The following KIF2A variants were observed in gnomAD, a reference collection of about 807,000 sequenced individuals.
KIF2A encodes kinesin family member 2A.
KIF2A carries 22 observed loss-of-function variants against 100.2 expected under a neutral mutation model. The ratio of observed to expected loss-of-function variants is 0.22; its 90% CI spans 0.16 to 0.31. The LOEUF is 0.31. Ranked by LOEUF, KIF2A falls within the 10% of genes least tolerant of loss-of-function variation. The pLI is 1.00. For missense variants in KIF2A, 495 were observed against 898.7 expected (o/e 0.55, Z 5.74); for synonymous variants, 268 against 285.9 (o/e 0.94, Z 0.63).
At chr5:62,326,565 T>G (rs1746389331) in intron 1 of KIF2A, among the ~76,000 whole-genome samples, 1 of 152,216 alleles carries the variant, frequency 6.6e-6, no homozygotes, top group Admixed American at 6.5e-5. Context: ...CCTCCACTTG[T>G]ACTCTGGATC....
chr5:62,338,675 A>C (rs1280811308), intron 1 of KIF2A, among the ~76,000 whole-genome samples: 1 of 152,236 alleles, frequency 6.6e-6, no homozygotes, highest in East Asian at 1.9e-4. Context: ...AAAACAACAA[A>C]AAAAATCCAT....
At position 62,389,831 on chromosome 5, in the gene KIF2A, T is replaced by A. The variant is rs1174005827; in HGVS notation, c.*4262T>A. ...TAGATTCTAGTTAGTAAACTGCACA[T>A]GCCCAATAACTTTGAGGAAATTTAG... On this transcript the variant is annotated 3_prime_UTR_variant, in exon 21 of 21. Coordinates refer to ENST00000407818, the MANE Select transcript of KIF2A (RefSeq NM_001098511.3). Among the ~76,000 whole-genome samples, 1 of 152,180 alleles carries A rather than the reference T, an allele frequency of 6.6e-6. No homozygotes were observed. The highest frequency in any genetic ancestry group is 2.4e-5 in the African/African-American group (1 of 41,438).
intron 1 of KIF2A, among the ~76,000 whole-genome samples, chr5:62,318,373 G>A (rs758320486): frequency 2.6e-5 from 4 of 152,134 alleles, no homozygotes; most frequent in South Asian, 4.1e-4. Flanking sequence ...GAGCCACTGC[G>A]CCCGGCCATA....
At chr5:62,317,991 G>A (rs1170980739) in intron 1 of KIF2A, among the ~76,000 whole-genome samples, 1 of 152,096 alleles carries the variant, frequency 6.6e-6, no homozygotes. Flanking sequence ...CATATTAGAT[G>A]AGCAACAATA....
chr5:62,361,653 A>T lies in KIF2A; in HGVS notation c.1027+124A>T, dbSNP rs1332249471. The T allele has an allele frequency of 5.2e-6, 3 of 575,650 alleles. No homozygotes were observed. The South Asian group carries it at 7.7e-5, about 15-fold the overall frequency. 35.7% of individuals were successfully genotyped at this position (575,650 alleles called of 1,614,324 possible). ...GCTATATTAACTGTCTATTATGTCA[A>T]TTATAGGTTATTAGATTGCTTGAAA... On this transcript the variant is annotated intron_variant, in intron 11 of 20. Coordinates refer to ENST00000407818, the MANE Select transcript of KIF2A (RefSeq NM_001098511.3).
At chr5:62,306,575 C>G (rs370806112) in intron 1 of KIF2A, 39 bp downstream of exon 1, 784 of 1,517,520 alleles carry the variant, frequency 5.2e-4, no homozygotes, top group Non-Finnish European at 6.6e-4. Context: ...CGCTCGGCCC[C>G]GTGTTCGGGT....
chr5:62,322,864 G>T (rs1435187748), intron 1 of KIF2A, among the ~76,000 whole-genome samples: 1 of 134,474 alleles, frequency 7.4e-6, no homozygotes, highest in Non-Finnish European at 1.5e-5. Flanking sequence ...TGGTTTTTGG[G>T]TTTTTTTTTT....
At chr5:62,349,106 A>G (rs1480446980) in intron 3 of KIF2A, among the ~76,000 whole-genome samples, 1 of 152,118 alleles carries the variant, frequency 6.6e-6, no homozygotes, top group Non-Finnish European at 1.5e-5. Context: ...TTATACATGG[A>G]TTATTTTTTA....
At chr5:62,362,333 T>C in intron 11 of KIF2A, 117 bp from the exon 12 acceptor site, 1 of 410,514 alleles carries the variant, frequency 2.4e-6, no homozygotes, top group South Asian at 8.1e-5. Context: ...TCATTTTTAT[T>C]ATTGATACTG....
chr5:62,345,953 TA>T (rs1747544273), intron 1 of KIF2A, among the ~76,000 whole-genome samples: 1 of 152,100 alleles, frequency 6.6e-6, no homozygotes. Flanking sequence ...TATATATGTA[TA>T]TATTCTGTTG....
Position 62,355,515 on chromosome 5 carries a change from C to T in KIF2A, c.654+261C>T, listed in dbSNP as rs575480133. On this transcript the variant is annotated intron_variant, in intron 7 of 20. Transcript: ENST00000407818. ...CCCTGTCTTTGGGAGGGCAAAGCAACACTTAAAGGAGTGATAGCAGAAGAC... is the reference window on the plus strand; with the variant it reads ...CCCTGTCTTTGGGAGGGCAAAGCAATACTTAAAGGAGTGATAGCAGAAGAC... 2.6e-5 allele frequency among the ~76,000 whole-genome samples: 4 copies of T among 152,298 alleles called. No homozygotes were observed. The South Asian group carries it at 8.3e-4, about 32-fold the overall frequency.
At chr5:62,381,902 C>G (rs1741785890) in intron 20 of KIF2A, among the ~76,000 whole-genome samples, 1 of 152,230 alleles carries the variant, frequency 6.6e-6, no homozygotes, top group Non-Finnish European at 1.5e-5. Flanking sequence ...GTCAAGATGA[C>G]TATCCTCTGT....
Position 62,388,961 on chromosome 5 carries a change from C to G in KIF2A, c.*3392C>G. ...ATTATCTTCTCAAATACAAAAAATACAAAATTCATTTCTTTTCTTGACCTT... is the reference window on the plus strand; with the variant it reads ...ATTATCTTCTCAAATACAAAAAATAGAAAATTCATTTCTTTTCTTGACCTT... On this transcript the variant is annotated 3_prime_UTR_variant, in exon 21 of 21. Coordinates refer to ENST00000407818, the MANE Select transcript of KIF2A (RefSeq NM_001098511.3). The G allele has an allele frequency of 6.5e-7, 1 of 1,543,050 alleles. No homozygotes were observed. Among genetic ancestry groups the G allele is most frequent in the Non-Finnish European group, 8.9e-7 (1 of 1,125,316 alleles).
chr5:62,308,494 C>CTTT lies in KIF2A; in HGVS notation c.64+1959_64+1960insTTT, dbSNP rs1745415623. ...ACAGTAGCCAAGATAGGGAAGCAAC[C>CTTT]TAAATGTCCATCGATGGGTGAGGAA... On this transcript the variant is annotated intron_variant, in intron 1 of 20. Coordinates refer to ENST00000407818, the MANE Select transcript of KIF2A (RefSeq NM_001098511.3). 3 of 735,590 alleles carry CTTT rather than the reference C, an allele frequency of 4.1e-6. No individual in the cohort carries two copies. In the Admixed American group the frequency reaches 6.0e-5, roughly 15 times the overall value. The allele number at this position is 735,590 out of a possible 1,614,324, so 45.6% of individuals were successfully genotyped here.
rs114976218 is a variant in KIF2A, at chr5:62,361,693, A to G, written c.1027+164A>G. Among the ~76,000 whole-genome samples the G allele has an allele frequency of 6.9e-3, 1,023 of 148,236 alleles. 19 individuals are homozygous for G. The highest frequency in any genetic ancestry group is 0.025 in the African/African-American group (980 of 39,474). The stretch of plus-strand genomic sequence containing the variant: ...ATTGCTTGAAAAGAACTATAAGATT[A>G]TATATTCACAATAATTTTTTTTTTT... On this transcript the variant is annotated intron_variant, in intron 11 of 20. Coordinates refer to ENST00000407818, the MANE Select transcript of KIF2A (RefSeq NM_001098511.3).
chr5:62,356,996 G>A (rs189326759), intron 7 of KIF2A, among the ~76,000 whole-genome samples: 162 of 151,826 alleles, frequency 1.1e-3, no homozygotes, highest in African/African-American at 3.8e-3. Flanking sequence ...ATGTTGGCCA[G>A]GCTGGTCTTG....
intron 1 of KIF2A, among the ~76,000 whole-genome samples, chr5:62,310,173 C>T (rs1745493445): frequency 1.3e-5 from 2 of 151,462 alleles, no homozygotes; most frequent in South Asian, 2.1e-4. Flanking sequence ...TATGCCTCAG[C>T]CTCCCAAGTA....
At chr5:62,361,943 G>T (rs534077177) in intron 11 of KIF2A, among the ~76,000 whole-genome samples, 4 of 150,864 alleles carry the variant, frequency 2.7e-5, no homozygotes, top group Non-Finnish European at 5.9e-5. Context: ...AGAATTGTTT[G>T]ATCATTTGAA....
intron 16 of KIF2A, among the ~76,000 whole-genome samples, chr5:62,368,126 G>C (rs1741162953): frequency 1.3e-5 from 2 of 152,068 alleles, no homozygotes; most frequent in Admixed American, 1.3e-4. Context: ...CATTGGTTTG[G>C]GAAATAGAGC....
Sources: allele counts gnomAD v4.1 joint callset (sites outside exome capture counted in the v4.1 genomes callset), GRCh38; gene constraint gnomAD v4.1.1; transcripts MANE v1.5; gene names NCBI Gene and HGNC (gene_info 2026-07-23, HGNC 2026-07-21).